The following GLIS3 variants were observed in gnomAD, a reference collection of about 807,000 sequenced individuals.
The protein encoded by GLIS3 is zinc finger protein GLIS3.
GLIS3 carries 53 observed loss-of-function variants against 78.6 expected under a neutral mutation model. The observed-to-expected ratio is 0.67, with a 90% CI of 0.54 to 0.85. GLIS3 has a LOEUF of 0.85. Ranked by LOEUF, GLIS3 falls within the 40% of genes least tolerant of loss-of-function variation. GLIS3 has a pLI of 0.00. For missense variants in GLIS3, 1,703 were observed against 1,231.1 expected, an observed-to-expected ratio of 1.38 and a Z score of -5.74; for synonymous variants, 684 against 509.9, an observed-to-expected ratio of 1.34 and a Z score of -4.60.
At chr9:4,455,224 G>C in the GLIS3 span, among the ~76,000 whole-genome samples, 5 of 152,312 alleles carry the variant, frequency 3.3e-5, no homozygotes, top group East Asian at 9.6e-4. Flanking sequence ...ACTTTGGATT[G>C]ATTTATATTT....
intron 6 of GLIS3, among the ~76,000 whole-genome samples, chr9:3,926,877 G>A (rs780057509): frequency 4.6e-5 from 7 of 151,926 alleles, no homozygotes; most frequent in African/African-American, 9.7e-5. Context: ...CACCCACCTC[G>A]GCCTCCCAAA....
the GLIS3 span, among the ~76,000 whole-genome samples, chr9:4,417,617 A>G: frequency 6.6e-6 from 1 of 152,200 alleles, no homozygotes; most frequent in African/African-American, 2.4e-5. Flanking sequence ...TTGTGTAAAT[A>G]CATCTGTAGG....
intron 2 of GLIS3, among the ~76,000 whole-genome samples, chr9:4,328,970 C>G (rs180681289): frequency 4.6e-5 from 7 of 152,298 alleles, no homozygotes; most frequent in Admixed American, 4.6e-4. Context: ...AACCACAGCT[C>G]TTGAGGTGAG....
intron 2 of GLIS3, among the ~76,000 whole-genome samples, chr9:4,135,649 AT>A (rs1192999143): frequency 1.3e-5 from 2 of 152,220 alleles, no homozygotes; most frequent in Non-Finnish European, 2.9e-5. Flanking sequence ...TAAATAAAGA[AT>A]AGAATCTTAG....
intron 2 of GLIS3, among the ~76,000 whole-genome samples, chr9:4,242,432 T>C (rs1255430772): frequency 6.6e-6 from 1 of 152,178 alleles, no homozygotes; most frequent in Non-Finnish European, 1.5e-5. Context: ...GGAATCCAGC[T>C]GCTCCCTCTG....
intron 7 of GLIS3, 31 bp from the exon 8 acceptor site, chr9:3,879,626 G>A (rs1429122479): frequency 7.4e-6 from 12 of 1,612,380 alleles, no homozygotes; most frequent in South Asian, 2.2e-5. Flanking sequence ...ACATGAGACC[G>A]TGCCCCAAAG....
chr9:4,211,421 C>CCAT (rs1398897568), intron 2 of GLIS3, among the ~76,000 whole-genome samples: 3 of 152,188 alleles, frequency 2.0e-5, no homozygotes, highest in African/African-American at 7.2e-5. Context: ...AGCCTTGCCA[C>CCAT]CATCTCACCC....
intron 2 of GLIS3, among the ~76,000 whole-genome samples, chr9:4,219,149 C>T (rs1033985487): frequency 1.3e-5 from 2 of 152,230 alleles, no homozygotes; most frequent in African/African-American, 4.8e-5. Context: ...ATGCTTTGAG[C>T]TTCTGAACCT....
intron 4 of GLIS3, among the ~76,000 whole-genome samples, chr9:4,003,372 G>C (rs1022444366): frequency 6.6e-6 from 1 of 152,200 alleles, no homozygotes; most frequent in African/African-American, 2.4e-5. Flanking sequence ...GACAGAGATA[G>C]AGGTAGGAGA....
chr9:3,953,901 C>T (rs1296616233), intron 4 of GLIS3, among the ~76,000 whole-genome samples: 2 of 151,550 alleles, frequency 1.3e-5, no homozygotes, highest in African/African-American at 4.9e-5. Context: ...AAAAAGTAAA[C>T]ATGTGGCTTT....
chr9:4,259,774 A>C (rs1182726078), intron 2 of GLIS3, among the ~76,000 whole-genome samples: 2 of 152,218 alleles, frequency 1.3e-5, no homozygotes, highest in African/African-American at 4.8e-5. Context: ...CATGTGAGCT[A>C]AGAAAATGTA....
the GLIS3 span, among the ~76,000 whole-genome samples, chr9:4,425,305 T>C: frequency 6.6e-6 from 1 of 152,220 alleles, no homozygotes; most frequent in South Asian, 2.1e-4. Flanking sequence ...TGTTTCCCTT[T>C]ATCAAAGATA....
chr9:4,215,682 C>T (rs1820763046), intron 2 of GLIS3, among the ~76,000 whole-genome samples: 1 of 152,170 alleles, frequency 6.6e-6, no homozygotes, highest in African/African-American at 2.4e-5. Flanking sequence ...CTTCCATTTC[C>T]AATACCTACT....
At chr9:4,370,189 AAAAAAAAAAAAAAACAACC>A in the GLIS3 span, among the ~76,000 whole-genome samples, 1 of 151,210 alleles carries the variant, frequency 6.6e-6, no homozygotes, top group Non-Finnish European at 1.5e-5. Context: ...ATCTCAAAAA[AAAAAAAAAAAAAAACAACC>A]AAAAAACAAA....
intron 8 of GLIS3, among the ~76,000 whole-genome samples, chr9:3,866,527 G>A (rs1239481986): frequency 6.6e-6 from 1 of 152,108 alleles, no homozygotes. Flanking sequence ...TTCTGAAGAG[G>A]TACAATTTGA....
chr9:4,278,057 T>C (rs1309228698), intron 2 of GLIS3, among the ~76,000 whole-genome samples: 1 of 152,326 alleles, frequency 6.6e-6, no homozygotes, highest in East Asian at 1.9e-4. Flanking sequence ...ATTTCTATTA[T>C]CTTAGAAACA....
At chr9:4,390,933 G>A in the GLIS3 span, among the ~76,000 whole-genome samples, 2 of 152,198 alleles carry the variant, frequency 1.3e-5, no homozygotes, top group African/African-American at 4.8e-5. Context: ...TTATGTCTCA[G>A]AAGGGAAACA....
the GLIS3 span, among the ~76,000 whole-genome samples, chr9:4,458,583 C>T: frequency 0.56 from 85,666 of 151,800 alleles, 24,749 homozygotes; most frequent in South Asian, 0.72. Context: ...AGGTTAGGAG[C>T]TCAAGACCAG....
chr9:3,930,880 T>C (rs1825566942), intron 6 of GLIS3, among the ~76,000 whole-genome samples: 1 of 151,764 alleles, frequency 6.6e-6, no homozygotes, highest in Non-Finnish European at 1.5e-5. Context: ...TTATAAGGTA[T>C]ATATAGATGA....
Sources: gnomAD v4.1 joint callset for allele counts (sites outside exome capture counted in the v4.1 genomes callset) on GRCh38, gnomAD v4.1.1 for gene constraint, MANE v1.5 for transcripts, NCBI Gene and HGNC (gene_info 2026-07-23, HGNC 2026-07-21) for gene names.